MSH6: variants seen among roughly 807,000 people sequenced by gnomAD.
MSH6 encodes the protein mutS homolog 6.
A neutral mutation model predicts 119.1 loss-of-function variants in MSH6; 85 were observed. The ratio of observed to expected loss-of-function variants is 0.71; its 90% CI spans 0.60 to 0.85. The LOEUF (loss-of-function observed/expected upper bound fraction) is 0.85, where lower values mean the gene tolerates loss of function less well. Among genes scored for constraint, MSH6 ranks in the 40% least tolerant of loss-of-function variants. The probability of loss-of-function intolerance (pLI) is 0.00; values close to 1 mark genes in which losing one functional copy is unlikely to be tolerated. For missense variants in MSH6, 2,163 were observed against 1,655.3 expected (o/e 1.31, Z -5.32); for synonymous variants, 830 against 586.9 (o/e 1.41, Z -5.99).
At chr2:47,809,909 C>G (rs1670495704), downstream of MSH6, 3 of 541,970 alleles carry the variant, frequency 5.5e-6, no homozygotes, top group Admixed American at 1.1e-4. Flanking sequence ...CTGCAATTAA[C>G]TTTCGCACCA....
intron 3 of MSH6, among the ~76,000 whole-genome samples, chr2:47,797,004 GAAA>G (rs914581308): frequency 2.7e-4 from 41 of 152,092 alleles, no homozygotes; most frequent in Non-Finnish European, 7.4e-5. Flanking sequence ...TTATAGAAGT[GAAA>G]AAAATTGATT....
intron 2 of MSH6, among the ~76,000 whole-genome samples, chr2:47,791,521 C>G (rs368932280): frequency 5.9e-5 from 9 of 152,110 alleles, no homozygotes; most frequent in African/African-American, 2.2e-4. Flanking sequence ...CACTAATGAA[C>G]ACATCTGAGT....
intron 1 of MSH6, chr2:47,784,403 G>A: frequency 4.9e-6 from 1 of 205,944 alleles, no homozygotes; most frequent in Non-Finnish European, 7.9e-6. Flanking sequence ...ATGTGTGGAC[G>A]TGAGTGACTC....
downstream of MSH6, chr2:47,807,926 T>TAAAACACCCAATATA: frequency 1.8e-6 from 1 of 556,272 alleles, no homozygotes; most frequent in South Asian, 2.3e-5. Context: ...AACACCCAGC[T>TAAAACACCCAATATA]TTGAGATCCT....
intron 1 of MSH6, among the ~76,000 whole-genome samples, chr2:47,787,731 C>T (rs1052340112): frequency 2.0e-5 from 3 of 152,154 alleles, no homozygotes; most frequent in African/African-American, 7.2e-5. Flanking sequence ...ATCCTCCCAC[C>T]TCAGCTTTCT....
downstream of MSH6, chr2:47,809,488 TA>T: frequency 1.2e-6 from 1 of 818,912 alleles, no homozygotes. Context: ...AAATCTATCT[TA>T]AACTGTTGCT....
rs587779920 is a variant in MSH6, at chr2:47,783,421, C to T, written c.188C>T (p.Ser63Phe). Residue 63 changes from serine (S) to phenylalanine (F), a missense_variant, in exon 1 of 10, where the codon TCC (serine) becomes TTC (phenylalanine). Ser to Phe is a radical substitution (Grantham distance 155). Coordinates refer to ENST00000234420, the MANE Select transcript of MSH6 (RefSeq NM_000179.3). ...CCTGGGCCCAGGCCCTTGGCGCGCT[C>T]CGCGTCACCGCCCAAGGCGAAGAAC... is the stretch of plus-strand genomic sequence containing the variant. ...AGPGPRPLAR[S>F]ASPPKAKNLN... The T allele has an allele frequency of 6.6e-7, 1 of 1,509,420 alleles. No individual in the cohort carries two copies. Among genetic ancestry groups the T allele is most frequent in the Non-Finnish European group, 8.8e-7 (1 of 1,131,018 alleles). 93.5% of individuals were successfully genotyped at this position (1,509,420 alleles called of 1,614,324 possible). A position where few individuals can be genotyped will look rare whatever the true frequency, so the allele number is the denominator to read the frequency against.
rs746631156 is a variant in MSH6, at chr2:47,800,942, A to T, written c.2959A>T (p.Thr987Ser). Reference sequence around the variant, plus strand: ...GCTGGAAATTCCTGAGAATTTCACCACTCGCAATTTGCCAGAAGAATACGA... The same window carrying T: ...GCTGGAAATTCCTGAGAATTTCACCTCTCGCAATTTGCCAGAAGAATACGA... ...YQLEIPENFT[T>S]RNLPEEYELK... is the part of the protein sequence containing the mutation. The change falls in exon 4 of 10, where the codon ACT (threonine) becomes TCT (serine). Residue 987 changes from threonine to serine, a missense_variant. Coordinates refer to ENST00000234420, the MANE Select transcript of MSH6 (RefSeq NM_000179.3). The T allele has an allele frequency of 1.3e-6, 2 of 1,574,244 alleles. No homozygotes were observed. The highest frequency in any genetic ancestry group is 1.7e-6 in the Non-Finnish European group (2 of 1,161,664).
chr2:47,789,130 T>C (rs748699453), intron 1 of MSH6, among the ~76,000 whole-genome samples: 11 of 151,288 alleles, frequency 7.3e-5, no homozygotes, highest in Non-Finnish European at 1.5e-5. Context: ...TTCACCATCT[T>C]GGCCAGGCTG....
chr2:47,806,496 T>TATTA lies in MSH6; in HGVS notation c.3847_3850dup (p.Thr1284AsnfsTer6), dbSNP rs267608128. The stretch of plus-strand genomic sequence containing the variant: ...AATGTGAAGACCCCAGCCAGGAGAC[T>TATTA]ATTACGTTCCTCTATAAATTCATTA... On this transcript the variant is annotated frameshift_variant, in exon 9 of 10. Transcript: ENST00000234420. LOFTEE classifies it high-confidence loss of function. The TATTA allele has an allele frequency of 1.2e-6, 2 of 1,614,098 alleles. No homozygotes were observed. The highest frequency in any genetic ancestry group is 1.7e-6 in the Non-Finnish European group (2 of 1,179,986).
intron 3 of MSH6, 34 bp from the exon 4 acceptor site, chr2:47,798,572 TTTTGA>T (rs1453669499): frequency 6.2e-7 from 1 of 1,600,194 alleles, no homozygotes; most frequent in Non-Finnish European, 8.5e-7. Flanking sequence ...GTTTTCCAAA[TTTTGA>T]TTTGTTTTTA....
chr2:47,809,537 G>A (rs1285305729), downstream of MSH6: 32 of 1,188,164 alleles, frequency 2.7e-5, no homozygotes, highest in Non-Finnish European at 3.7e-5. Flanking sequence ...GTTATAAAAC[G>A]GCTTCTGATT....
intron 1 of MSH6, among the ~76,000 whole-genome samples, chr2:47,787,596 C>G (rs1439085530): frequency 6.6e-6 from 1 of 152,106 alleles, no homozygotes; most frequent in African/African-American, 2.4e-5. Flanking sequence ...ATCCTAAAAT[C>G]ATAATTTAAG....
Position 47,790,171 on chromosome 2 carries a change from C to G in MSH6, c.261-756C>G, listed in dbSNP as rs569776659. 3.3e-5 allele frequency among the ~76,000 whole-genome samples: 5 copies of G among 152,260 alleles called. No homozygotes were observed. The East Asian group carries it at 9.7e-4, about 29-fold the overall frequency. On this transcript the variant is annotated intron_variant, in intron 1 of 9. Transcript: ENST00000234420. ...GCGCGGTGGCTCACGCCTGTAATCC[C>G]AGCACTTTGAGAGGCCAAGGCGGGT...
intron 3 of MSH6, among the ~76,000 whole-genome samples, chr2:47,797,150 G>C (rs1420826616): frequency 6.6e-6 from 1 of 152,162 alleles, no homozygotes; most frequent in Non-Finnish European, 1.5e-5. Context: ...ATTAGCATTA[G>C]TGTATTTTAT....
intron 3 of MSH6, among the ~76,000 whole-genome samples, chr2:47,797,524 A>G (rs1323807742): frequency 2.0e-5 from 3 of 152,250 alleles, no homozygotes; most frequent in Non-Finnish European, 2.9e-5. Flanking sequence ...TAGAACCAGT[A>G]TAAGTTGCTT....
At chr2:47,783,795 A>T (rs940984276) in intron 1 of MSH6, 3 of 464,120 alleles carry the variant, frequency 6.5e-6, no homozygotes, top group Non-Finnish European at 8.8e-6. Flanking sequence ...GTGCTGGGCT[A>T]AGGAAGGGGC....
intron 1 of MSH6, among the ~76,000 whole-genome samples, chr2:47,785,236 G>C (rs3136241): frequency 0.14 from 21,826 of 151,708 alleles, 1,776 homozygotes; most frequent in Non-Finnish European, 0.19. Context: ...TTTTTGTTTG[G>C]TTTTGTTTTG....
At chr2:47,783,774 G>A in intron 1 of MSH6, 1 of 473,944 alleles carries the variant, frequency 2.1e-6, no homozygotes, top group Non-Finnish European at 3.1e-6. Flanking sequence ...GACGCGTCCC[G>A]CCAGGTGGGG....
Sources: allele counts gnomAD v4.1 joint callset (sites outside exome capture counted in the v4.1 genomes callset), GRCh38; gene constraint gnomAD v4.1.1; transcripts MANE v1.5; gene names NCBI Gene and HGNC (gene_info 2026-07-23, HGNC 2026-07-21).